The following ADGRB3 variants were observed in gnomAD, a reference collection of about 807,000 sequenced individuals.
ADGRB3 encodes brain-specific angiogenesis inhibitor 3.
A neutral mutation model predicts 193.4 loss-of-function variants in ADGRB3; 37 were observed. The ratio of observed to expected loss-of-function variants is 0.19; its 90% CI spans 0.15 to 0.25. ADGRB3 has a LOEUF of 0.25. Ranked by LOEUF, ADGRB3 falls within the 10% of genes least tolerant of loss-of-function variation. The pLI, the probability that ADGRB3 is intolerant of heterozygous loss-of-function variation, is 1.00. For synonymous variants in ADGRB3, 690 were observed against 644.2 expected, an observed-to-expected ratio of 1.07 and a Z score of -1.08; for missense variants, 1,637 against 1,852.9, an observed-to-expected ratio of 0.88 and a Z score of 2.14.
intron 3 of ADGRB3, among the ~76,000 whole-genome samples, chr6:68,860,327 C>G (rs527560220): frequency 1.4e-4 from 22 of 152,228 alleles, no homozygotes; most frequent in Middle Eastern, 6.8e-3. Flanking sequence ...TTCTAGTGTA[C>G]CCATCACTTG....
chr6:69,040,698 A>AAAC (rs1771035358), intron 13 of ADGRB3, among the ~76,000 whole-genome samples: 1 of 145,172 alleles, frequency 6.9e-6, no homozygotes, highest in Non-Finnish European at 1.5e-5. Context: ...AAAAAAAAAA[A>AAAC]AAAAAAAAAA....
At chr6:69,333,492 T>TA (rs1768770568) in intron 24 of ADGRB3, among the ~76,000 whole-genome samples, 1 of 152,084 alleles carries the variant, frequency 6.6e-6, no homozygotes, top group Non-Finnish European at 1.5e-5. Flanking sequence ...TATCAAGCAC[T>TA]ATTTAGGTCT....
intron 3 of ADGRB3, among the ~76,000 whole-genome samples, chr6:68,658,165 T>G (rs1453384920): frequency 1.3e-5 from 2 of 151,292 alleles, no homozygotes; most frequent in Non-Finnish European, 1.5e-5. Flanking sequence ...GTTTTCTGGA[T>G]GAAAAGACTG....
intron 8 of ADGRB3, among the ~76,000 whole-genome samples, chr6:68,958,163 T>C (rs947914861): frequency 6.6e-6 from 1 of 151,854 alleles, no homozygotes; most frequent in Non-Finnish European, 1.5e-5. Flanking sequence ...ATTGCACCAC[T>C]GCACTGCAGC....
chr6:69,030,462 G>T (rs1053314818), intron 13 of ADGRB3, among the ~76,000 whole-genome samples: 1 of 152,164 alleles, frequency 6.6e-6, no homozygotes, highest in African/African-American at 2.4e-5. Flanking sequence ...CATGTTCTTT[G>T]CAGGGACATG....
At chr6:69,136,118 G>T (rs1465855242) in intron 17 of ADGRB3, among the ~76,000 whole-genome samples, 2 of 152,010 alleles carry the variant, frequency 1.3e-5, no homozygotes, top group Non-Finnish European at 2.9e-5. Context: ...TTGTGTTTAT[G>T]TATGTGGGTG....
In ADGRB3 at chr6:68,930,592, G is replaced by C. The variant is rs1317110929; in HGVS notation, c.791G>C (p.Ser264Thr). The C allele has an allele frequency of 6.2e-7, 1 of 1,612,538 alleles. No individual in the cohort carries two copies. Among genetic ancestry groups the C allele is most frequent in the Non-Finnish European group, 8.5e-7 (1 of 1,179,212 alleles). Reference sequence around the variant, plus strand: ...ATGATGGGAGATCATACAATTAAAAGTCAGCGACCTCGATCTGTTCATGAA... The same window carrying C: ...ATGATGGGAGATCATACAATTAAAACTCAGCGACCTCGATCTGTTCATGAA... ...FGMMGDHTIK[S>T]QRPRSVHEKR... is the part of the protein sequence containing the mutation. Residue 264 changes from serine to threonine, a missense_variant, in exon 4 of 32, where the codon AGT becomes ACT. By Grantham distance (58) the Ser-to-Thr change is moderately conservative. Coordinates refer to ENST00000370598, the MANE Select transcript of ADGRB3 (RefSeq NM_001704.3).
intron 17 of ADGRB3, among the ~76,000 whole-genome samples, chr6:69,132,154 G>T (rs1429949703): frequency 6.6e-6 from 1 of 152,154 alleles, no homozygotes; most frequent in African/African-American, 2.4e-5. Context: ...CAATGGGATT[G>T]CTGGGTCAAA....
intron 17 of ADGRB3, among the ~76,000 whole-genome samples, chr6:69,129,471 T>G (rs1773945356): frequency 1.3e-5 from 2 of 148,182 alleles, no homozygotes; most frequent in South Asian, 4.3e-4. Flanking sequence ...AGAAAAGAGT[T>G]TAAAAGAGCT....
rs190330866 is a variant in ADGRB3, at chr6:68,787,787, A to G, written c.758-142772A>G. On this transcript the variant is annotated intron_variant, in intron 3 of 31. Transcript: ENST00000370598. The stretch of plus-strand genomic sequence containing the variant: ...CGGCTGTGAATCCATCTGGTCCTGG[A>G]CTTTTTTTGGTTGGTAAGCTATTGA... Among the ~76,000 whole-genome samples, 265 of 152,060 alleles carry G rather than the reference A, an allele frequency of 1.7e-3. 1 individual carries two copies. Among genetic ancestry groups the G allele is most frequent in the Non-Finnish European group, 1.9e-3 (129 of 67,972 alleles).
At position 69,140,400 on chromosome 6, in the gene ADGRB3, A is replaced by G. The variant is rs545487348; in HGVS notation, c.2480+64362A>G. On this transcript the variant is annotated intron_variant, in intron 17 of 31. Transcript: ENST00000370598. The stretch of plus-strand genomic sequence containing the variant: ...AGCCAGGCACAGAAAGACAAACTTC[A>G]CGTGTTCTCATTTATTTGTGGAAGC... Among the ~76,000 whole-genome samples, 108 of 152,316 alleles carry G rather than the reference A, an allele frequency of 7.1e-4. 1 individual carries two copies. The South Asian group carries it at 0.017, about 25-fold the overall frequency.
chr6:68,966,824 T>A (rs759173219), intron 8 of ADGRB3, among the ~76,000 whole-genome samples: 70 of 152,190 alleles, frequency 4.6e-4, no homozygotes, highest in Non-Finnish European at 8.8e-4. Context: ...GCCCAGTAAA[T>A]ATTTGTTGAA....
chr6:68,942,585 A>G (rs62418266), intron 5 of ADGRB3, among the ~76,000 whole-genome samples: 105 of 152,160 alleles, frequency 6.9e-4, no homozygotes, highest in African/African-American at 2.3e-3. Flanking sequence ...TGGTGATTTG[A>G]CCATGCAGGG....
At chr6:68,707,409 T>C (rs1765343592) in intron 3 of ADGRB3, among the ~76,000 whole-genome samples, 1 of 152,164 alleles carries the variant, frequency 6.6e-6, no homozygotes, top group South Asian at 2.1e-4. Context: ...TAAAACCATT[T>C]GTGTCTATCT....
At chr6:68,866,992 T>G (rs2150217526) in intron 3 of ADGRB3, among the ~76,000 whole-genome samples, 1 of 152,304 alleles carries the variant, frequency 6.6e-6, no homozygotes, top group South Asian at 2.1e-4. Flanking sequence ...TTTGAAAAAT[T>G]TGCAGACTGA....
intron 13 of ADGRB3, among the ~76,000 whole-genome samples, chr6:69,019,185 G>A (rs1179990945): frequency 1.3e-5 from 2 of 151,934 alleles, no homozygotes; most frequent in African/African-American, 2.4e-5. Context: ...TTGAATTGAT[G>A]TAGGCTTACA....
At chr6:69,273,538 G>A (rs1409610351) in intron 20 of ADGRB3, among the ~76,000 whole-genome samples, 2 of 152,148 alleles carry the variant, frequency 1.3e-5, no homozygotes, top group African/African-American at 4.8e-5. Flanking sequence ...GGGTGTGAAA[G>A]GATAAAGTCT....
Position 69,348,039 on chromosome 6 carries a change from G to T in ADGRB3, c.3460-6194G>T, listed in dbSNP as rs377707672. On this transcript the variant is annotated intron_variant, in intron 26 of 31. Coordinates refer to ENST00000370598, the MANE Select transcript of ADGRB3 (RefSeq NM_001704.3). The stretch of plus-strand genomic sequence containing the variant: ...AATGTAAATTCTAATTCTCCTTCCA[G>T]ATTAACCTTTCCTGACTTAGCAAAA... 1.2e-4 allele frequency among the ~76,000 whole-genome samples: 18 copies of T among 152,206 alleles called. No individual in the cohort carries two copies. In the East Asian group the frequency reaches 2.5e-3, roughly 21 times the overall value.
intron 17 of ADGRB3, among the ~76,000 whole-genome samples, chr6:69,165,708 C>A (rs1357708881): frequency 6.6e-6 from 1 of 151,948 alleles, no homozygotes; most frequent in Non-Finnish European, 1.5e-5. Context: ...GTTTACTCAC[C>A]TGTCTCTCCT....
Sources: allele counts gnomAD v4.1 joint callset (sites outside exome capture counted in the v4.1 genomes callset), GRCh38; gene constraint gnomAD v4.1.1; transcripts MANE v1.5; gene names NCBI Gene and HGNC (gene_info 2026-07-23, HGNC 2026-07-21).